The following SNTG1 variants were observed in gnomAD, a reference collection of about 807,000 sequenced individuals.
SNTG1 encodes syntrophin gamma 1.
SNTG1 carries 39 observed loss-of-function variants against 74.7 expected under a neutral mutation model. That is an observed-to-expected ratio of 0.52 (90% CI 0.40 to 0.68). The LOEUF (loss-of-function observed/expected upper bound fraction) is 0.68, where lower values mean the gene tolerates loss of function less well. Ranked by LOEUF, SNTG1 falls within the 30% of genes least tolerant of loss-of-function variation. SNTG1 has a pLI of 0.00. For missense variants in SNTG1, 685 were observed against 609.5 expected, an observed-to-expected ratio of 1.12 and a Z score of -1.30; for synonymous variants, 254 against 217.1, an observed-to-expected ratio of 1.17 and a Z score of -1.49.
intron 17 of SNTG1, among the ~76,000 whole-genome samples, chr8:50,711,864 C>A (rs1015405356): frequency 1.3e-5 from 2 of 152,106 alleles, no homozygotes; most frequent in Non-Finnish European, 2.9e-5. Flanking sequence ...CTTTGTAATT[C>A]TCTTCCTTAT....
At chr8:50,689,320 T>C (rs2095367134) in intron 15 of SNTG1, among the ~76,000 whole-genome samples, 1 of 152,178 alleles carries the variant, frequency 6.6e-6, no homozygotes, top group South Asian at 2.1e-4. Context: ...TGCATCCCTC[T>C]CTTGTCCCCA....
At chr8:50,323,697 C>A (rs1469419726) in intron 2 of SNTG1, among the ~76,000 whole-genome samples, 1 of 152,082 alleles carries the variant, frequency 6.6e-6, no homozygotes, top group Non-Finnish European at 1.5e-5. Flanking sequence ...GTGATGCAAG[C>A]ACCTCTGTGG....
At chr8:50,408,609 T>A (rs2092909230) in intron 4 of SNTG1, among the ~76,000 whole-genome samples, 1 of 152,174 alleles carries the variant, frequency 6.6e-6, no homozygotes, top group Non-Finnish European at 1.5e-5. Context: ...AACAGTGAGA[T>A]GTGAGCCCAG....
intron 1 of SNTG1, among the ~76,000 whole-genome samples, chr8:50,064,418 C>A (rs547722296): frequency 6.6e-6 from 1 of 152,278 alleles, no homozygotes; most frequent in African/African-American, 2.4e-5. Context: ...TTGATGGCTC[C>A]CACCATCACT....
At chr8:50,708,575 A>T in intron 16 of SNTG1, 1 of 253,190 alleles carries the variant, frequency 3.9e-6, no homozygotes, top group Non-Finnish European at 7.4e-6. Flanking sequence ...AAAACTTTTT[A>T]TATTATATAC....
At chr8:50,723,107 G>A (rs1325880253) in intron 17 of SNTG1, among the ~76,000 whole-genome samples, 3 of 152,054 alleles carry the variant, frequency 2.0e-5, no homozygotes, top group African/African-American at 7.2e-5. Context: ...CTCACCAAAC[G>A]TACGTGACCA....
chr8:50,274,839 G>A (rs573290265), intron 2 of SNTG1, among the ~76,000 whole-genome samples: 1 of 152,280 alleles, frequency 6.6e-6, no homozygotes, highest in African/African-American at 2.4e-5. Context: ...TTGCTGATGT[G>A]ATTGATTGAT....
chr8:50,290,847 A>T (rs1488984568), intron 2 of SNTG1, among the ~76,000 whole-genome samples: 1 of 151,878 alleles, frequency 6.6e-6, no homozygotes, highest in East Asian at 1.9e-4. Flanking sequence ...TGCAGCCTTG[A>T]CTTCCCAGGT....
rs115329318 is a variant in SNTG1 at position 49,980,152 on chromosome 8, A to G, written c.-103+67921A>G. Among the ~76,000 whole-genome samples the G allele has an allele frequency of 5.3e-3, 809 of 152,276 alleles. 11 individuals are homozygous for G. The highest frequency in any genetic ancestry group is 0.018 in the African/African-American group (767 of 41,552). ...GCAAAACTGAGACAGCGTACCTATT[A>G]CACATCAAACTCCTCGTTCCCAGTT... On this transcript the variant is annotated intron_variant, in intron 1 of 18. Coordinates refer to ENST00000642720, the MANE Select transcript of SNTG1 (RefSeq NM_018967.5).
intron 2 of SNTG1, among the ~76,000 whole-genome samples, chr8:50,370,703 C>G (rs573843123): frequency 8.5e-5 from 13 of 152,204 alleles, no homozygotes; most frequent in Non-Finnish European, 1.5e-4. Context: ...CACCTCCGCT[C>G]CTTTCTTCCA....
chr8:50,438,681 A>C, intron 5 of SNTG1, 82 bp downstream of exon 5: 1 of 1,183,552 alleles, frequency 8.4e-7, no homozygotes, highest in Non-Finnish European at 1.2e-6. Context: ...TTGCTGATTA[A>C]TAATTAGACA....
intron 2 of SNTG1, among the ~76,000 whole-genome samples, chr8:50,235,970 C>T (rs926322737): frequency 2.0e-5 from 3 of 152,116 alleles, no homozygotes; most frequent in Non-Finnish European, 2.9e-5. Flanking sequence ...TAAATAATCT[C>T]TTCTTAGTGA....
chr8:50,536,584 G>C (rs963650787), intron 10 of SNTG1, 94 bp from the exon 11 acceptor site: 24 of 1,449,442 alleles, frequency 1.7e-5, no homozygotes, highest in Non-Finnish European at 2.1e-5. Flanking sequence ...TCATTTAGGG[G>C]AAAAATAATA....
intron 1 of SNTG1, among the ~76,000 whole-genome samples, chr8:50,147,412 A>G (rs2081910612): frequency 6.6e-6 from 1 of 152,254 alleles, no homozygotes. Flanking sequence ...CAAAAGAATT[A>G]TAGAATTAAA....
intron 4 of SNTG1, among the ~76,000 whole-genome samples, chr8:50,429,252 A>T (rs2093203350): frequency 6.6e-6 from 1 of 152,102 alleles, no homozygotes; most frequent in Non-Finnish European, 1.5e-5. Context: ...CTTACTATGA[A>T]TAGACAGTAA....
chr8:50,223,115 G>T (rs2085152712), intron 2 of SNTG1, among the ~76,000 whole-genome samples: 2 of 152,034 alleles, frequency 1.3e-5, no homozygotes, highest in South Asian at 2.1e-4. Flanking sequence ...AATAAAACAA[G>T]CAATCTAAGT....
At chr8:50,463,002 A>T (rs2093579890) in intron 8 of SNTG1, among the ~76,000 whole-genome samples, 1 of 151,598 alleles carries the variant, frequency 6.6e-6, no homozygotes, top group African/African-American at 2.4e-5. Context: ...TTTTTAGTAG[A>T]GATGGGGTTT....
intron 2 of SNTG1, among the ~76,000 whole-genome samples, chr8:50,359,608 A>C (rs2091906463): frequency 6.6e-6 from 1 of 152,178 alleles, no homozygotes; most frequent in East Asian, 1.9e-4. Flanking sequence ...AGATTTTGGA[A>C]ATCTGTCTAA....
intron 2 of SNTG1, among the ~76,000 whole-genome samples, chr8:50,287,237 C>T (rs1316740291): frequency 6.6e-6 from 1 of 152,116 alleles, no homozygotes; most frequent in Non-Finnish European, 1.5e-5. Flanking sequence ...TCAGGTTAAG[C>T]TCTATCTCTC....
Sources: allele counts gnomAD v4.1 joint callset (sites outside exome capture counted in the v4.1 genomes callset), GRCh38; gene constraint gnomAD v4.1.1; transcripts MANE v1.5; gene names NCBI Gene and HGNC (gene_info 2026-07-23, HGNC 2026-07-21).